The following NELL2 variants were observed in gnomAD, a reference collection of about 807,000 sequenced individuals.
NELL2 encodes the protein protein kinase C-binding protein NELL2.
Under a neutral mutation model 109.6 loss-of-function variants are expected in NELL2, and 41 were observed. The observed-to-expected ratio is 0.37, with a 90% CI of 0.29 to 0.49. NELL2 has a LOEUF of 0.49. Among genes scored for constraint, NELL2 ranks in the 20% least tolerant of loss-of-function variants. The pLI, the probability that NELL2 is intolerant of heterozygous loss-of-function variation, is 0.98. For missense variants in NELL2, 900 were observed against 1,008.3 expected, an observed-to-expected ratio of 0.89 and a Z score of 1.45; for synonymous variants, 355 against 344.7, an observed-to-expected ratio of 1.03 and a Z score of -0.33.
In NELL2 at chr12:44,869,578, T is replaced by C. The variant is rs181100268; in HGVS notation, c.184+5647A>G. On this transcript the variant is annotated intron_variant, in intron 2 of 19. Transcript: ENST00000429094. ...CCTTGTAGATCTCCCATGTATGTCATGGGGATTCACTCCATTAAACAAAAA... is the reference window on the plus strand; with the variant it reads ...CCTTGTAGATCTCCCATGTATGTCACGGGGATTCACTCCATTAAACAAAAA... Among the ~76,000 whole-genome samples, 19 of 150,426 alleles carry C rather than the reference T, an allele frequency of 1.3e-4. No individual in the cohort carries two copies. The East Asian group carries it at 3.3e-3, about 26-fold the overall frequency.
At chr12:44,654,038 A>G (rs1405550802) in intron 13 of NELL2, among the ~76,000 whole-genome samples, 1 of 152,058 alleles carries the variant, frequency 6.6e-6, no homozygotes, top group East Asian at 1.9e-4. Flanking sequence ...CTCAATTTCA[A>G]TGTCACTTAG....
chr12:44,532,880 G>T (rs940598007), intron 15 of NELL2, among the ~76,000 whole-genome samples, 159 bp from the exon 16 acceptor site: 1 of 152,148 alleles, frequency 6.6e-6, no homozygotes, highest in African/African-American at 2.4e-5. Flanking sequence ...CAGCTACACA[G>T]AAAGAATGTA....
At chr12:44,740,768 C>A (rs918982552) in intron 9 of NELL2, among the ~76,000 whole-genome samples, 3 of 152,108 alleles carry the variant, frequency 2.0e-5, no homozygotes, top group Non-Finnish European at 2.9e-5. Context: ...ATACAAGTCC[C>A]ATTTTTCTGT....
At chr12:44,699,477 G>T (rs1294457166) in intron 12 of NELL2, among the ~76,000 whole-genome samples, 1 of 152,028 alleles carries the variant, frequency 6.6e-6, no homozygotes, top group Non-Finnish European at 1.5e-5. Flanking sequence ...AAGGAGAAAG[G>T]GTACAGAAGT....
intron 3 of NELL2, among the ~76,000 whole-genome samples, chr12:44,793,259 T>C (rs549314817): frequency 9.3e-4 from 142 of 152,282 alleles, no homozygotes; most frequent in African/African-American, 3.2e-3. Flanking sequence ...ATGAATAAAA[T>C]ACCAACTTGT....
chr12:44,908,078 AAG>A lies in NELL2; in HGVS notation c.38+5719_38+5720del, dbSNP rs372060229. 4.0e-3 allele frequency among the ~76,000 whole-genome samples: 606 copies of A among 152,110 alleles called. 3 individuals carry two copies. The highest frequency in any genetic ancestry group is 5.1e-3 in the Non-Finnish European group (345 of 67,934). On this transcript the variant is annotated intron_variant, in intron 1 of 20. Transcript: ENST00000333837. ...GAGATAGACATGTTTGAGGTTTCAG[AAG>A]AGAGGAAAATGTATGAAATGGACAT...
chr12:44,815,714 G>A (rs1013048982), intron 3 of NELL2, among the ~76,000 whole-genome samples: 19 of 152,148 alleles, frequency 1.2e-4, no homozygotes, highest in African/African-American at 3.4e-4. Flanking sequence ...CAACTCCTGG[G>A]TTCAATCAAT....
intron 13 of NELL2, among the ~76,000 whole-genome samples, chr12:44,622,322 C>A (rs985455452): frequency 1.3e-5 from 2 of 152,020 alleles, no homozygotes; most frequent in Admixed American, 1.3e-4. Flanking sequence ...GTCAGTGCTG[C>A]CCCTAAATTT....
chr12:44,766,482 T>C (rs1012380363), intron 9 of NELL2, among the ~76,000 whole-genome samples: 7 of 152,210 alleles, frequency 4.6e-5, no homozygotes, highest in African/African-American at 1.7e-4. Flanking sequence ...ATATGTCTCA[T>C]TCTTGCCTAT....
chr12:44,754,351 A>T (rs1940788365), intron 9 of NELL2, among the ~76,000 whole-genome samples: 2 of 152,172 alleles, frequency 1.3e-5, no homozygotes, highest in Admixed American at 6.5e-5. Flanking sequence ...AATATTAATA[A>T]TCCTATACTT....
intron 15 of NELL2, among the ~76,000 whole-genome samples, chr12:44,574,290 A>G (rs1943985950): frequency 6.6e-6 from 1 of 152,034 alleles, no homozygotes; most frequent in Non-Finnish European, 1.5e-5. Flanking sequence ...TTTTTATTAT[A>G]TGTTCACCAT....
intron 15 of NELL2, among the ~76,000 whole-genome samples, chr12:44,535,128 G>A (rs1942237884): frequency 6.6e-6 from 1 of 151,894 alleles, no homozygotes. Context: ...GGGAATACAA[G>A]CATGTGCCTG....
intron 1 of NELL2, among the ~76,000 whole-genome samples, chr12:44,907,069 CT>C (rs968235103): frequency 2.6e-5 from 4 of 151,960 alleles, no homozygotes; most frequent in African/African-American, 7.2e-5. Flanking sequence ...TTATAAGGGG[CT>C]TTTCCCCCTC....
intron 1 of NELL2, among the ~76,000 whole-genome samples, chr12:44,913,224 C>T (rs1051843844): frequency 4.6e-5 from 7 of 152,212 alleles, no homozygotes; most frequent in Admixed American, 2.6e-4. Context: ...CATTTGGGTT[C>T]TTCCCTTGAG....
intron 2 of NELL2, among the ~76,000 whole-genome samples, chr12:44,832,611 G>GT (rs1188746514): frequency 6.6e-6 from 1 of 152,164 alleles, no homozygotes; most frequent in Non-Finnish European, 1.5e-5. Flanking sequence ...GTCTGCCCAA[G>GT]TAACTAAGTA....
chr12:44,601,530 A>G (rs921336580), intron 15 of NELL2, among the ~76,000 whole-genome samples: 3 of 152,190 alleles, frequency 2.0e-5, no homozygotes, highest in Admixed American at 6.5e-5. Context: ...TGGTTTATGA[A>G]TGGATCAAGA....
At chr12:44,724,510 C>A (rs1239119070) in intron 9 of NELL2, among the ~76,000 whole-genome samples, 2 of 151,756 alleles carry the variant, frequency 1.3e-5, no homozygotes, top group African/African-American at 2.4e-5. Flanking sequence ...TCACAATTGC[C>A]ACAAAAAGAA....
intron 13 of NELL2, among the ~76,000 whole-genome samples, chr12:44,650,753 G>GTCTTTCTT (rs34696718): frequency 5.5e-4 from 83 of 150,568 alleles, no homozygotes; most frequent in South Asian, 3.8e-3. Flanking sequence ...AGAGGTCTCT[G>GTCTTTCTT]TCTTTCTTTC....
intron 9 of NELL2, among the ~76,000 whole-genome samples, chr12:44,738,793 G>A (rs1308621143): frequency 6.6e-6 from 1 of 152,172 alleles, no homozygotes; most frequent in Admixed American, 6.5e-5. Flanking sequence ...CTTGAAACGT[G>A]CTAAGAAAGT....
Sources: gnomAD v4.1 joint callset for allele counts (sites outside exome capture counted in the v4.1 genomes callset) on GRCh38, gnomAD v4.1.1 for gene constraint, MANE v1.5 for transcripts, NCBI Gene and HGNC (gene_info 2026-07-23, HGNC 2026-07-21) for gene names.